AFG2A: variants seen among roughly 807,000 people sequenced by gnomAD.
AFG2A encodes ATPase family gene 2 protein homolog A.
chr4:123,068,560 A>G, the AFG2A span, among the ~76,000 whole-genome samples: 2 of 152,214 alleles, frequency 1.3e-5, no homozygotes, highest in Non-Finnish European at 2.9e-5. Context: ...ATGCTACATA[A>G]TAACAGCATA....
chr4:123,012,282 A>G, the AFG2A span, among the ~76,000 whole-genome samples: 3 of 113,146 alleles, frequency 2.7e-5, no homozygotes, highest in Non-Finnish European at 5.3e-5. Flanking sequence ...CACAGAGAGA[A>G]GGGGTGGGGG....
chr4:123,031,158 C>T, the AFG2A span, among the ~76,000 whole-genome samples: 5 of 152,150 alleles, frequency 3.3e-5, no homozygotes, highest in South Asian at 1.0e-3. Flanking sequence ...ATACTCTGTT[C>T]TCTTTTTTTT....
At chr4:122,953,090 C>T in the AFG2A span, among the ~76,000 whole-genome samples, 1 of 152,238 alleles carries the variant, frequency 6.6e-6, no homozygotes, top group East Asian at 1.9e-4. Flanking sequence ...ATTATGTCCC[C>T]CCAGCAGGCA....
the AFG2A span, among the ~76,000 whole-genome samples, chr4:123,187,777 C>T: frequency 6.6e-6 from 1 of 152,026 alleles, no homozygotes; most frequent in Non-Finnish European, 1.5e-5. Context: ...GGGAGGATCT[C>T]TTGAACCAAG....
At chr4:122,954,798 C>T in the AFG2A span, among the ~76,000 whole-genome samples, 1 of 151,050 alleles carries the variant, frequency 6.6e-6, no homozygotes, top group Admixed American at 6.6e-5. Context: ...GCTGCCACAG[C>T]TCAGGCATCT....
the AFG2A span, among the ~76,000 whole-genome samples, chr4:123,185,328 A>C: frequency 6.6e-6 from 1 of 152,030 alleles, no homozygotes; most frequent in African/African-American, 2.4e-5. Flanking sequence ...AAGGTTCATA[A>C]CATCAAAAAA....
At chr4:123,296,474 CACTA>C in the AFG2A span, among the ~76,000 whole-genome samples, 17 of 152,290 alleles carry the variant, frequency 1.1e-4, no homozygotes, top group East Asian at 7.7e-4. Flanking sequence ...TAAATGTGAA[CACTA>C]ACTAAATACT....
At chr4:123,132,658 T>G in the AFG2A span, among the ~76,000 whole-genome samples, 2 of 147,788 alleles carry the variant, frequency 1.4e-5, no homozygotes, top group African/African-American at 4.9e-5. Flanking sequence ...CACATTTTCT[T>G]TATTCATTCT....
At chr4:122,973,135 C>G in the AFG2A span, among the ~76,000 whole-genome samples, 1 of 151,642 alleles carries the variant, frequency 6.6e-6, no homozygotes, top group South Asian at 2.1e-4. Context: ...GTGAATTGAC[C>G]CTTTTATTAC....
chr4:123,206,000 A>G, the AFG2A span, among the ~76,000 whole-genome samples: 1 of 152,260 alleles, frequency 6.6e-6, no homozygotes, highest in Admixed American at 6.5e-5. Context: ...CCTAAAAGCT[A>G]ACTAAATGCA....
chr4:123,254,330 A>G, the AFG2A span, among the ~76,000 whole-genome samples: 746 of 152,070 alleles, frequency 4.9e-3, 5 homozygotes, highest in Middle Eastern at 0.017. Context: ...CATTTTTTTC[A>G]TATGGATTTC....
the AFG2A span, among the ~76,000 whole-genome samples, chr4:122,939,817 G>T: frequency 7.9e-5 from 12 of 152,124 alleles, no homozygotes; most frequent in East Asian, 2.1e-3. Context: ...GAGTGTGATG[G>T]TCCCCTTCCT....
the AFG2A span, among the ~76,000 whole-genome samples, chr4:123,107,614 C>T: frequency 2.0e-5 from 3 of 152,200 alleles, no homozygotes; most frequent in African/African-American, 7.2e-5. Context: ...GGTGGGGTTT[C>T]ACCAGGGACC....
chr4:123,161,765 G>T, the AFG2A span, among the ~76,000 whole-genome samples: 1 of 152,192 alleles, frequency 6.6e-6, no homozygotes, highest in Non-Finnish European at 1.5e-5. Flanking sequence ...CTGTAGGCCA[G>T]GGGTGCAGGG....
the AFG2A span, among the ~76,000 whole-genome samples, chr4:123,169,515 C>T: frequency 2.0e-4 from 30 of 152,066 alleles, no homozygotes; most frequent in African/African-American, 7.0e-4. Context: ...TTTTTTGTTT[C>T]TAGCCTAGGC....
the AFG2A span, among the ~76,000 whole-genome samples, chr4:122,955,810 CTTTTGGTACA>C: frequency 2.0e-5 from 3 of 152,142 alleles, no homozygotes; most frequent in Non-Finnish European, 4.4e-5. Context: ...TACAAACATT[CTTTTGGTACA>C]TTTTGCTCTA....
At chr4:123,029,482 A>G in the AFG2A span, among the ~76,000 whole-genome samples, 1 of 152,198 alleles carries the variant, frequency 6.6e-6, no homozygotes, top group East Asian at 1.9e-4. Flanking sequence ...ATAGAATGAT[A>G]CTTAGGTGTG....
At chr4:122,945,076 G>A in the AFG2A span, among the ~76,000 whole-genome samples, 3 of 152,348 alleles carry the variant, frequency 2.0e-5, no homozygotes, top group African/African-American at 4.8e-5. Flanking sequence ...AGGCTGCTCG[G>A]GTGTCAGGGG....
chr4:123,266,273 T>G, the AFG2A span, among the ~76,000 whole-genome samples: 1 of 152,018 alleles, frequency 6.6e-6, no homozygotes, highest in South Asian at 2.1e-4. Flanking sequence ...GTCTTCCATT[T>G]CCTAGCTATG....
Sources: allele counts gnomAD v4.1 joint callset (sites outside exome capture counted in the v4.1 genomes callset), GRCh38; gene constraint gnomAD v4.1.1; transcripts MANE v1.5; gene names NCBI Gene and HGNC (gene_info 2026-07-23, HGNC 2026-07-21).